Variants in ZNRF2 observed in about 807,000 individuals in gnomAD.
ZNRF2 encodes the protein E3 ubiquitin-protein ligase ZNRF2.
A neutral mutation model predicts 20.4 loss-of-function variants in ZNRF2; 16 were observed. The observed-to-expected ratio is 0.79, with a 90% CI of 0.53 to 1.19. The LOEUF (loss-of-function observed/expected upper bound fraction) is 1.19. ZNRF2 is among the 50% of genes most tolerant of loss of function. The pLI, the probability that ZNRF2 is intolerant of heterozygous loss-of-function variation, is 0.00. For synonymous variants in ZNRF2, 178 were observed against 144.9 expected, an observed-to-expected ratio of 1.23 and a Z score of -1.64; for missense variants, 363 against 332.4, an observed-to-expected ratio of 1.09 and a Z score of -0.72.
chr7:30,338,822 C>T (rs910141310), intron 2 of ZNRF2, among the ~76,000 whole-genome samples: 7 of 152,146 alleles, frequency 4.6e-5, no homozygotes, highest in Admixed American at 4.6e-4. Context: ...AATGGTATTT[C>T]TGGTTCTAGA....
At chr7:30,312,079 C>T (rs984419667) in intron 1 of ZNRF2, among the ~76,000 whole-genome samples, 4 of 152,106 alleles carry the variant, frequency 2.6e-5, no homozygotes, top group African/African-American at 7.2e-5. Context: ...TTTGCTCAAG[C>T]GATCCTCCCA....
chr7:30,300,402 C>T (rs1465580601), intron 1 of ZNRF2, among the ~76,000 whole-genome samples: 1 of 152,180 alleles, frequency 6.6e-6, no homozygotes. Flanking sequence ...CCGCCTCGGC[C>T]TCCCAAAGTG....
intron 1 of ZNRF2, among the ~76,000 whole-genome samples, chr7:30,294,796 G>A (rs573948327): frequency 6.6e-6 from 1 of 151,886 alleles, no homozygotes; most frequent in African/African-American, 2.4e-5. Context: ...GAAAAAAAAA[G>A]TATTGCACCA....
intron 1 of ZNRF2, among the ~76,000 whole-genome samples, chr7:30,305,971 GTTTTGAT>G (rs1234192485): frequency 1.3e-5 from 2 of 152,138 alleles, no homozygotes; most frequent in African/African-American, 4.8e-5. Flanking sequence ...TAGTGTAGTG[GTTTTGAT>G]TTTTGGATCT....
chr7:30,362,302 T>G, intron 3 of ZNRF2, 75 bp from the exon 4 acceptor site: 1 of 1,004,252 alleles, frequency 1.0e-6, no homozygotes, highest in Non-Finnish European at 1.4e-6. Flanking sequence ...TAAAGTCAAG[T>G]ATTTTTACTG....
At chr7:30,304,173 A>C (rs1236200327) in intron 1 of ZNRF2, among the ~76,000 whole-genome samples, 3 of 152,168 alleles carry the variant, frequency 2.0e-5, no homozygotes, top group African/African-American at 7.2e-5. Context: ...CTGGGTTTCC[A>C]GTCTCCTCTC....
chr7:30,355,638 C>G (rs1800024970), intron 2 of ZNRF2, 90 bp from the exon 3 acceptor site: 6 of 1,032,848 alleles, frequency 5.8e-6, no homozygotes, highest in Non-Finnish European at 8.6e-6. Flanking sequence ...AAGGTGGAAT[C>G]ACAACTTTTT....
intron 2 of ZNRF2, among the ~76,000 whole-genome samples, chr7:30,341,073 G>T (rs528407231): frequency 1.3e-5 from 2 of 152,244 alleles, no homozygotes; most frequent in Admixed American, 6.5e-5. Context: ...ATTTCTGCGG[G>T]ATCAGTGGTG....
chr7:30,300,355 G>T (rs1277978077), intron 1 of ZNRF2, among the ~76,000 whole-genome samples: 6 of 151,590 alleles, frequency 4.0e-5, no homozygotes, highest in Non-Finnish European at 7.4e-5. Flanking sequence ...CACCATGTTG[G>T]CCAGGATGGT....
chr7:30,301,721 A>AC (rs1163955898), intron 1 of ZNRF2, among the ~76,000 whole-genome samples: 4 of 151,572 alleles, frequency 2.6e-5, no homozygotes, highest in Admixed American at 6.6e-5. Flanking sequence ...AAAAAAAAAA[A>AC]AACTTATCTT....
intron 1 of ZNRF2, among the ~76,000 whole-genome samples, chr7:30,290,076 T>C (rs1798873303): frequency 6.6e-6 from 1 of 152,230 alleles, no homozygotes. Flanking sequence ...GGCAAATGTG[T>C]TAAAAGAGAG....
At chr7:30,349,609 T>C (rs1198848008) in intron 2 of ZNRF2, among the ~76,000 whole-genome samples, 1 of 152,088 alleles carries the variant, frequency 6.6e-6, no homozygotes, top group Non-Finnish European at 1.5e-5. Context: ...TGCTACGTAT[T>C]ACCCAGATTG....
chr7:30,321,164 C>T (rs1799463457), intron 1 of ZNRF2, among the ~76,000 whole-genome samples: 1 of 152,070 alleles, frequency 6.6e-6, no homozygotes, highest in South Asian at 2.1e-4. Context: ...CATTCTCATG[C>T]TCTAGTGGGG....
chr7:30,333,639 A>T (rs562765748), intron 2 of ZNRF2, among the ~76,000 whole-genome samples: 1 of 152,278 alleles, frequency 6.6e-6, no homozygotes, highest in Admixed American at 6.5e-5. Flanking sequence ...AAGTGTTGGG[A>T]TTACAGGCAT....
At chr7:30,286,874 C>G (rs1047140786) in intron 1 of ZNRF2, among the ~76,000 whole-genome samples, 5 of 152,114 alleles carry the variant, frequency 3.3e-5, no homozygotes, top group Admixed American at 2.6e-4. Context: ...ATTTTTGTGC[C>G]GCTTTTACTT....
intron 2 of ZNRF2, among the ~76,000 whole-genome samples, chr7:30,349,672 T>C (rs1799934630): frequency 6.6e-6 from 1 of 152,144 alleles, no homozygotes; most frequent in South Asian, 2.1e-4. Context: ...TTTAAACATT[T>C]GTCTAATTTT....
chr7:30,356,225 C>G (rs1328723174), intron 3 of ZNRF2, among the ~76,000 whole-genome samples: 2 of 151,926 alleles, frequency 1.3e-5, no homozygotes, highest in African/African-American at 4.8e-5. Flanking sequence ...ACTCCAAAAC[C>G]TGTCTGCTTT....
chr7:30,304,001 A>G (rs528353138), intron 1 of ZNRF2, among the ~76,000 whole-genome samples: 2 of 152,234 alleles, frequency 1.3e-5, no homozygotes, highest in African/African-American at 4.8e-5. Context: ...TCATTGTTGA[A>G]TAGATTTTAC....
chr7:30,359,166 A>G (rs1179511498), intron 3 of ZNRF2, among the ~76,000 whole-genome samples: 1 of 152,186 alleles, frequency 6.6e-6, no homozygotes. Context: ...TCTGGAACCA[A>G]AATCTAAAGT....
Sources: gnomAD v4.1 joint callset for allele counts (sites outside exome capture counted in the v4.1 genomes callset) on GRCh38, gnomAD v4.1.1 for gene constraint, MANE v1.5 for transcripts, NCBI Gene and HGNC (gene_info 2026-07-23, HGNC 2026-07-21) for gene names.